Variants in ADAM18 observed in about 807,000 individuals in gnomAD.
ADAM18 encodes the protein ADAM metallopeptidase domain 18, also known as disintegrin and metalloproteinase domain-containing protein 18.
ADAM18 carries 117 observed loss-of-function variants against 94.4 expected under a neutral mutation model. The observed-to-expected ratio is 1.24, with a 90% confidence interval of 1.07 to 1.45. The LOEUF (loss-of-function observed/expected upper bound fraction) is 1.45. Among genes scored for constraint, ADAM18 ranks in the 40% most tolerant of loss-of-function variants. The pLI, the probability that ADAM18 is intolerant of heterozygous loss-of-function variation, is 0.00. For synonymous variants in ADAM18, 327 were observed against 291.6 expected, an observed-to-expected ratio of 1.12 and a Z score of -1.24; for missense variants, 936 against 880.0, an observed-to-expected ratio of 1.06 and a Z score of -0.81.
intron 18 of ADAM18, among the ~76,000 whole-genome samples, chr8:39,708,309 A>AGT (rs1822295727): frequency 6.6e-6 from 1 of 152,262 alleles, no homozygotes; most frequent in African/African-American, 2.4e-5. Context: ...CAAATAAGTT[A>AGT]GAACACAGTA....
chr8:39,650,539 C>G (rs1429771314), intron 12 of ADAM18, among the ~76,000 whole-genome samples: 1 of 152,034 alleles, frequency 6.6e-6, no homozygotes, highest in Non-Finnish European at 1.5e-5. Flanking sequence ...GTCTCATTTA[C>G]AATATCTACA....
intron 3 of ADAM18, among the ~76,000 whole-genome samples, chr8:39,606,964 C>T (rs1236368921): frequency 6.6e-6 from 1 of 152,080 alleles, no homozygotes; most frequent in Non-Finnish European, 1.5e-5. Flanking sequence ...AGGAACTGGC[C>T]ATTTTCACTT....
intron 6 of ADAM18, among the ~76,000 whole-genome samples, chr8:39,617,638 C>T (rs1271667624): frequency 6.6e-6 from 1 of 152,068 alleles, no homozygotes; most frequent in African/African-American, 2.4e-5. Flanking sequence ...ACATATGCAC[C>T]ATGGAATACT....
chr8:39,700,880 C>T lies in ADAM18; in HGVS notation c.1903-5910C>T, dbSNP rs1042460270. Among the ~76,000 whole-genome samples the T allele has an allele frequency of 6.6e-5, 10 of 151,212 alleles. No individual in the cohort carries two copies. The South Asian group carries it at 8.4e-4, about 13-fold the overall frequency. On this transcript the variant is annotated intron_variant, in intron 17 of 19. Transcript: ENST00000265707. Reference sequence around the variant, plus strand: ...TTTATTGTAATGCACTTTGGGAGGCCGAGGCGGGCGGATCACGAGGTCAGG... The same window carrying T: ...TTTATTGTAATGCACTTTGGGAGGCTGAGGCGGGCGGATCACGAGGTCAGG...
intron 17 of ADAM18, among the ~76,000 whole-genome samples, chr8:39,698,223 G>A (rs1821978062): frequency 6.6e-6 from 1 of 151,544 alleles, no homozygotes; most frequent in South Asian, 2.1e-4. Flanking sequence ...GCCTTGTATT[G>A]TGTTCCTGAC....
chr8:39,689,281 T>C (rs1821701218), intron 16 of ADAM18, among the ~76,000 whole-genome samples: 1 of 152,208 alleles, frequency 6.6e-6, no homozygotes, highest in African/African-American at 2.4e-5. Context: ...AATCATTGCC[T>C]GCGCCTATGT....
At chr8:39,593,315 C>T (rs1317469199) in intron 2 of ADAM18, among the ~76,000 whole-genome samples, 1 of 152,044 alleles carries the variant, frequency 6.6e-6, no homozygotes, top group African/African-American at 2.4e-5. Flanking sequence ...AATGTCCATA[C>T]TACCCAAAGC....
In ADAM18 at chr8:39,725,325, T is replaced by C. The variant is rs117457455; in HGVS notation, c.2177+1418T>C. Reference sequence around the variant, plus strand: ...AAGTTTCCTCCCAAATTTTATATTATTGTTGTTGCTTTACCAAGGTAAGAA... The same window carrying C: ...AAGTTTCCTCCCAAATTTTATATTACTGTTGTTGCTTTACCAAGGTAAGAA... On this transcript the variant is annotated intron_variant, in intron 19 of 19. Transcript: ENST00000265707. Among the ~76,000 whole-genome samples the C allele has an allele frequency of 6.8e-3, 1,036 of 152,250 alleles. 7 individuals are homozygous for C. The highest frequency in any genetic ancestry group is 0.013 in the South Asian group (65 of 4,822).
intron 6 of ADAM18, among the ~76,000 whole-genome samples, chr8:39,615,650 A>G (rs1452683344): frequency 6.6e-6 from 1 of 152,170 alleles, no homozygotes; most frequent in Non-Finnish European, 1.5e-5. Context: ...AAGAACCAGA[A>G]CAAGACAAGC....
At chr8:39,704,484 A>T (rs966079978) in intron 17 of ADAM18, among the ~76,000 whole-genome samples, 1 of 152,156 alleles carries the variant, frequency 6.6e-6, no homozygotes, top group South Asian at 2.1e-4. Context: ...GATGCAGAAA[A>T]GGCTTTTGAT....
chr8:39,717,477 G>C (rs1030482378), intron 18 of ADAM18, among the ~76,000 whole-genome samples: 2 of 151,516 alleles, frequency 1.3e-5, no homozygotes, highest in Non-Finnish European at 3.0e-5. Context: ...CATTTCAACC[G>C]GAAGAACTCC....
intron 6 of ADAM18, among the ~76,000 whole-genome samples, chr8:39,626,132 T>C (rs930581553): frequency 6.6e-6 from 1 of 152,212 alleles, no homozygotes; most frequent in Non-Finnish European, 1.5e-5. Context: ...TCATCTTGAT[T>C]CAAGCTAGTA....
At chr8:39,693,075 C>A (rs1466670012) in intron 17 of ADAM18, among the ~76,000 whole-genome samples, 1 of 151,458 alleles carries the variant, frequency 6.6e-6, no homozygotes, top group African/African-American at 2.4e-5. Context: ...GAGAGACTTC[C>A]AATAGGAAAT....
At chr8:39,603,075 C>T (rs999216941) in intron 2 of ADAM18, among the ~76,000 whole-genome samples, 1 of 152,102 alleles carries the variant, frequency 6.6e-6, no homozygotes. Flanking sequence ...TATTGAGATT[C>T]GTCTTTTTGC....
At chr8:39,672,788 ACATTT>A (rs1821190261) in intron 14 of ADAM18, among the ~76,000 whole-genome samples, 1 of 152,164 alleles carries the variant, frequency 6.6e-6, no homozygotes. Context: ...AAATATCCAA[ACATTT>A]TAAAAACTAG....
chr8:39,719,810 A>T (rs1287615591), intron 18 of ADAM18, among the ~76,000 whole-genome samples: 1 of 151,496 alleles, frequency 6.6e-6, no homozygotes, highest in Admixed American at 6.6e-5. Flanking sequence ...ACTGATATTT[A>T]AAACACTGAT....
intron 2 of ADAM18, among the ~76,000 whole-genome samples, chr8:39,596,997 C>T (rs28830490): frequency 0.068 from 10,279 of 152,184 alleles, 1,047 homozygotes; most frequent in African/African-American, 0.22. Flanking sequence ...CAATATACCA[C>T]TGTCCTTATG....
chr8:39,594,649 G>C (rs1392398356), intron 2 of ADAM18, among the ~76,000 whole-genome samples: 1 of 149,854 alleles, frequency 6.7e-6, no homozygotes, highest in Non-Finnish European at 1.5e-5. Flanking sequence ...CATTTCCTTT[G>C]ATCTTCATGT....
chr8:39,665,018 T>G (rs561338509), intron 13 of ADAM18, among the ~76,000 whole-genome samples: 1 of 152,134 alleles, frequency 6.6e-6, no homozygotes. Flanking sequence ...ATATTTAAGC[T>G]TATAACTAGC....
Sources: gnomAD v4.1 joint callset for allele counts (sites outside exome capture counted in the v4.1 genomes callset) on GRCh38, gnomAD v4.1.1 for gene constraint, MANE v1.5 for transcripts, NCBI Gene and HGNC (gene_info 2026-07-23, HGNC 2026-07-21) for gene names.